The following GRIA1 variants were observed in gnomAD, a reference collection of about 807,000 sequenced individuals.
GRIA1 encodes glutamate ionotropic receptor AMPA type subunit 1.
A neutral mutation model predicts 99.2 loss-of-function variants in GRIA1; 31 were observed. The observed-to-expected ratio is 0.31, with a 90% CI of 0.23 to 0.42. The LOEUF is 0.42. Ranked by LOEUF, GRIA1 falls within the 10% of genes least tolerant of loss-of-function variation. The pLI is 1.00. For synonymous variants in GRIA1, 438 were observed against 432.4 expected (o/e 1.01, Z -0.16); for missense variants, 782 against 1,157.5 (o/e 0.68, Z 4.71).
intron 2 of GRIA1, among the ~76,000 whole-genome samples, chr5:153,586,843 T>C (rs1398852419): frequency 1.3e-5 from 2 of 152,148 alleles, no homozygotes; most frequent in Non-Finnish European, 2.9e-5. Flanking sequence ...GAAGCATTAT[T>C]GAGATGGTTT....
chr5:153,770,444 A>C, intron 13 of GRIA1, 29 bp downstream of exon 13: 2 of 1,594,954 alleles, frequency 1.3e-6, no homozygotes, highest in Non-Finnish European at 1.7e-6. Flanking sequence ...CTTCCTTGGT[A>C]CTCCCTCTCC....
Position 153,705,906 on chromosome 5 carries a change from C to G in GRIA1, c.1662C>G (p.Leu554=), listed in dbSNP as rs373815854. 2.5e-6 allele frequency: 4 copies of G among 1,613,994 alleles called. No homozygotes were observed. Among genetic ancestry groups the G allele is most frequent in the Admixed American group, 3.3e-5 (2 of 60,002 alleles). The change falls in exon 11 of 16, where the codon CTC becomes CTG. Residue 554 remains leucine (L), a synonymous_variant. Transcript: ENST00000285900. ...VFAYIGVSVV[L]FLVSRFSPYE... ...CCTACATTGGAGTGAGTGTTGTCCT[C>G]TTCCTGGTCAGCCGCTTCAGTCCCT...
intron 2 of GRIA1, among the ~76,000 whole-genome samples, chr5:153,504,530 C>G (rs1467435494): frequency 1.3e-5 from 2 of 151,866 alleles, no homozygotes; most frequent in African/African-American, 2.4e-5. Flanking sequence ...CCAATGCAGA[C>G]AAAAAGTCAA....
intron 7 of GRIA1, among the ~76,000 whole-genome samples, chr5:153,684,584 C>A (rs1028798909): frequency 6.6e-6 from 1 of 152,190 alleles, no homozygotes; most frequent in Non-Finnish European, 1.5e-5. Context: ...ACCATCTGCA[C>A]ATCTATCCAA....
chr5:153,506,279 A>ATTGTTGCT (rs1755482779), intron 2 of GRIA1, among the ~76,000 whole-genome samples: 2 of 150,602 alleles, frequency 1.3e-5, no homozygotes, highest in Admixed American at 6.6e-5. Context: ...TGGCTCCAGA[A>ATTGTTGCT]TACTCAAGAG....
chr5:153,491,293 C>A lies in GRIA1; in HGVS notation c.82+323C>A, dbSNP rs909069699. ...GGGTGGTGGGTGTTTAAGGAGTTAA[C>A]TCTATTGCTTGGTAGATGGTGCTTG... is the stretch of plus-strand genomic sequence containing the variant. On this transcript the variant is annotated intron_variant, in intron 1 of 15. Coordinates refer to ENST00000285900, the MANE Select transcript of GRIA1 (RefSeq NM_000827.4). The A allele has an allele frequency of 3.2e-6, 4 of 1,263,034 alleles. No homozygotes were observed. The African/African-American group carries it at 6.0e-5, about 19-fold the overall frequency. The allele number at this position is 1,263,034 out of a possible 1,614,324, so 78.2% of individuals were successfully genotyped here.
intron 8 of GRIA1, among the ~76,000 whole-genome samples, chr5:153,694,927 AG>A (rs1410046369): frequency 2.0e-5 from 3 of 152,112 alleles, no homozygotes; most frequent in Non-Finnish European, 4.4e-5. Context: ...AATAGGAGGA[AG>A]GAAGGGAGAA....
In GRIA1 at chr5:153,715,998, A is replaced by T. The variant is rs545400555; in HGVS notation, c.1823+9931A>T. On this transcript the variant is annotated intron_variant, in intron 11 of 15. Coordinates refer to ENST00000285900, the MANE Select transcript of GRIA1 (RefSeq NM_000827.4). ...GGAGAAGAAGTGGGAAGAATTGGAG[A>T]TAAAGAAATAAAAGGAACCAGAAAA... is the stretch of plus-strand genomic sequence containing the variant. Among the ~76,000 whole-genome samples, 6 of 152,326 alleles carry T rather than the reference A, an allele frequency of 3.9e-5. No homozygotes were observed. In the East Asian group the frequency reaches 1.2e-3, roughly 29 times the overall value.
rs79943925 is a variant in GRIA1 at position 153,762,121 on chromosome 5, T to G, written c.1824-2313T>G. Among the ~76,000 whole-genome samples, 1,038 of 152,258 alleles carry G rather than the reference T, an allele frequency of 6.8e-3. 7 individuals carry two copies. The highest frequency in any genetic ancestry group is 0.023 in the African/African-American group (970 of 41,540). On this transcript the variant is annotated intron_variant, in intron 11 of 15. Coordinates refer to ENST00000285900, the MANE Select transcript of GRIA1 (RefSeq NM_000827.4). ...CTATTGCACGGTAGGGTGACTATAT[T>G]TAACAATAATGTATATTTCAAAATA...
intron 13 of GRIA1, among the ~76,000 whole-genome samples, chr5:153,782,566 C>T (rs1764703169): frequency 6.6e-6 from 1 of 152,070 alleles, no homozygotes; most frequent in Admixed American, 6.6e-5. Context: ...AAAGAGAAGG[C>T]ACAACCCACT....
chr5:153,802,486 T>G lies in GRIA1; in HGVS notation c.2516T>G (p.Met839Arg). 6.2e-7 allele frequency: 1 copy of G among 1,613,964 alleles called. No individual in the cohort carries two copies. The highest frequency in any genetic ancestry group is 8.5e-7 in the Non-Finnish European group (1 of 1,179,950). Reference sequence around the variant, plus strand: ...AAATCCCGTAGTGAATCCAAGCGGATGAAGGTGGCATCGTCTTCCCGGGCC... The same window carrying G: ...AAATCCCGTAGTGAATCCAAGCGGAGGAAGGTGGCATCGTCTTCCCGGGCC... ...CYKSRSESKR[M>R]KGFCLIPQQS... The change falls in exon 15 of 16, where the codon ATG (methionine) becomes AGG (arginine). Residue 839 changes from methionine to arginine, a missense_variant. Physicochemically the swap from Met to Arg is moderately conservative, Grantham distance 91 (BLOSUM62 -1). This residue lies in a region of GRIA1 where 119 missense variants were observed against 326.6 expected (regional missense o/e 0.36). Transcript: ENST00000285900.
At chr5:153,549,287 T>C (rs1340491603) in intron 2 of GRIA1, among the ~76,000 whole-genome samples, 1 of 152,218 alleles carries the variant, frequency 6.6e-6, no homozygotes, top group African/African-American at 2.4e-5. Context: ...GAGTTTATTT[T>C]CAGGTTTGAA....
chr5:153,527,773 T>C (rs1017807967), intron 2 of GRIA1, among the ~76,000 whole-genome samples: 1 of 152,254 alleles, frequency 6.6e-6, no homozygotes, highest in Non-Finnish European at 1.5e-5. Flanking sequence ...GGAAACTTCC[T>C]TAATAAATGT....
At chr5:153,574,397 G>T (rs1167612648) in intron 2 of GRIA1, 1 of 151,930 alleles carries the variant, frequency 6.6e-6, no homozygotes, top group African/African-American at 2.4e-5. Context: ...TATAGGTAAG[G>T]GTTTTTTGTT....
intron 2 of GRIA1, among the ~76,000 whole-genome samples, chr5:153,538,761 A>G (rs1301469897): frequency 2.0e-5 from 3 of 152,148 alleles, no homozygotes; most frequent in African/African-American, 4.8e-5. Flanking sequence ...TTAGGTCTTT[A>G]CCAATTGATT....
chr5:153,578,165 A>G (rs1297898853), intron 2 of GRIA1, among the ~76,000 whole-genome samples: 2 of 121,352 alleles, frequency 1.6e-5, no homozygotes, highest in South Asian at 3.5e-4. Context: ...AAAAAAAAAA[A>G]AAAAAAAAGA....
chr5:153,638,731 C>G (rs980391488), intron 2 of GRIA1, among the ~76,000 whole-genome samples: 40 of 152,246 alleles, frequency 2.6e-4, no homozygotes, highest in African/African-American at 9.6e-4. Context: ...TCTGTTCTTA[C>G]AAATTACAGA....
intron 2 of GRIA1, among the ~76,000 whole-genome samples, chr5:153,518,487 C>T (rs948379933): frequency 6.6e-6 from 1 of 152,120 alleles, no homozygotes; most frequent in Admixed American, 6.6e-5. Context: ...CCTGGGGATA[C>T]AGACATGAAA....
intron 11 of GRIA1, among the ~76,000 whole-genome samples, chr5:153,737,400 G>A (rs1380845265): frequency 1.3e-5 from 2 of 151,648 alleles, no homozygotes; most frequent in East Asian, 3.9e-4. Flanking sequence ...ATTAGTAAAT[G>A]GCACAACTGG....
Sources: allele counts gnomAD v4.1 joint callset (sites outside exome capture counted in the v4.1 genomes callset), GRCh38; gene constraint gnomAD v4.1.1; regional missense constraint gnomAD v4.1.1; transcripts MANE v1.5; gene names NCBI Gene and HGNC (gene_info 2026-07-23, HGNC 2026-07-21).